The following ADD3 variants were observed in gnomAD, a reference collection of about 807,000 sequenced individuals.
The protein encoded by ADD3 is gamma-adducin.
In ADD3, 25 loss-of-function variants were observed where a neutral mutation model predicts 80.2. The observed-to-expected ratio is 0.31, with a 90% CI of 0.23 to 0.44. ADD3 has a LOEUF of 0.44. Ranked by LOEUF, ADD3 falls within the 20% of genes least tolerant of loss-of-function variation. ADD3 has a pLI of 1.00. For missense variants in ADD3, 829 were observed against 847.5 expected (o/e 0.98, Z 0.27); for synonymous variants, 284 against 289.6 (o/e 0.98, Z 0.20).
At chr10:110,011,960 A>G (rs1852387046) in intron 1 of ADD3, among the ~76,000 whole-genome samples, 1 of 152,262 alleles carries the variant, frequency 6.6e-6, no homozygotes, top group African/African-American at 2.4e-5. Context: ...TGTATATATC[A>G]AGAATCCTCT....
At position 110,107,645 on chromosome 10, in the gene ADD3, C is replaced by T. The variant is rs368146682; in HGVS notation, c.196-5132C>T. ...CTGGGTTCACATTTTACTTTGCCTA[C>T]CACTTACTAGCTATGTGACATTACG... On this transcript the variant is annotated intron_variant, in intron 2 of 14. Coordinates refer to ENST00000356080, the MANE Select transcript of ADD3 (RefSeq NM_016824.5). Among the ~76,000 whole-genome samples the T allele has an allele frequency of 2.0e-5, 3 of 152,072 alleles. No homozygotes were observed. In the East Asian group the frequency reaches 5.8e-4, roughly 29 times the overall value.
chr10:110,082,510 G>A (rs984536749), intron 1 of ADD3, among the ~76,000 whole-genome samples: 1 of 152,042 alleles, frequency 6.6e-6, no homozygotes, highest in Non-Finnish European at 1.5e-5. Context: ...ACTGTCTTAC[G>A]AGATAGCTTA....
upstream of ADD3, among the ~76,000 whole-genome samples, chr10:110,003,678 A>C (rs1851533240): frequency 6.6e-6 from 1 of 152,128 alleles, no homozygotes; most frequent in African/African-American, 2.4e-5. Context: ...GAACACCAGA[A>C]CTCTGAAACT....
In ADD3 at chr10:110,082,257, GCTT is replaced by G. The variant is rs552834511; in HGVS notation, c.-29-18366_-29-18364del. On this transcript the variant is annotated intron_variant, in intron 1 of 14. Coordinates refer to ENST00000356080, the MANE Select transcript of ADD3 (RefSeq NM_016824.5). Reference sequence around the variant, plus strand: ...CACTCTAAAAAAAAACTTTGGCTGAGCTTCAGAATACATTTGACCATCAGTAAC... The same window carrying G: ...CACTCTAAAAAAAAACTTTGGCTGAGCAGAATACATTTGACCATCAGTAAC... Among the ~76,000 whole-genome samples, 27 of 151,656 alleles carry G rather than the reference GCTT, an allele frequency of 1.8e-4. No individual in the cohort carries two copies. The South Asian group carries it at 5.6e-3, about 32-fold the overall frequency.
chr10:110,119,488 G>T lies in ADD3; in HGVS notation c.884G>T (p.Gly295Val). Residue 295 changes from glycine to valine, a missense_variant, in exon 8 of 15, where the codon GGT (glycine) becomes GTT (valine). Gly to Val is a moderately radical substitution (Grantham distance 109, BLOSUM62 -3). Coordinates refer to ENST00000356080, the MANE Select transcript of ADD3 (RefSeq NM_016824.5). ...TAGGTGCTGGTACTCAGGAATCATG[G>T]TGTGGTTGCACTTGGAGAAACATTA... ...SCKVLVLRNH[G>V]VVALGETLEE... is the part of the protein sequence containing the mutation. 6.2e-7 allele frequency: 1 copy of T among 1,614,136 alleles called. No homozygotes were observed. The highest frequency in any genetic ancestry group is 2.2e-5 in the East Asian group (1 of 44,874).
chr10:110,079,267 T>C (rs1411363013), intron 1 of ADD3: 1 of 152,170 alleles, frequency 6.6e-6, no homozygotes, highest in South Asian at 2.1e-4. Flanking sequence ...CCGTGGAATT[T>C]CCTTTCTCTG....
upstream of ADD3, among the ~76,000 whole-genome samples, chr10:110,007,732 C>A (rs1851774795): frequency 6.6e-6 from 1 of 152,058 alleles, no homozygotes; most frequent in South Asian, 2.1e-4. Context: ...GCGGAGGGGG[C>A]TGCGGGGGCG....
At chr10:110,058,880 C>G (rs1390355196) in intron 1 of ADD3, among the ~76,000 whole-genome samples, 1 of 152,200 alleles carries the variant, frequency 6.6e-6, no homozygotes, top group Non-Finnish European at 1.5e-5. Flanking sequence ...TGTCATATTA[C>G]TGTTAAATTA....
chr10:110,003,202 T>C (rs1056536220), upstream of ADD3, among the ~76,000 whole-genome samples: 5 of 152,190 alleles, frequency 3.3e-5, no homozygotes, highest in African/African-American at 1.2e-4. Context: ...GAGAGGATTC[T>C]ATAAATTCTT....
intron 1 of ADD3, among the ~76,000 whole-genome samples, chr10:110,049,490 C>T (rs540641102): frequency 6.6e-6 from 1 of 152,330 alleles, no homozygotes; most frequent in Non-Finnish European, 1.5e-5. Context: ...TTCTGCAAAG[C>T]CACAGGGGCG....
chr10:110,005,970 G>A (rs2132875834), upstream of ADD3: 1 of 238,622 alleles, frequency 4.2e-6, no homozygotes, highest in Non-Finnish European at 8.5e-6. Flanking sequence ...TCAGCATTGA[G>A]AGAAGCTGCT....
In ADD3 at chr10:110,069,956, A is replaced by AT. The variant is rs1430834177; in HGVS notation, c.-29-30669_-29-30668insT. ...TAGCTTAAATTATACACACCACAGTAAACTGTTACCCAGTGGCAATTTTGA... is the reference window on the plus strand; with the variant it reads ...TAGCTTAAATTATACACACCACAGTATAACTGTTACCCAGTGGCAATTTTGA... On this transcript the variant is annotated intron_variant, in intron 1 of 14. Coordinates refer to ENST00000356080, the MANE Select transcript of ADD3 (RefSeq NM_016824.5). 3.3e-5 allele frequency among the ~76,000 whole-genome samples: 5 copies of AT among 152,362 alleles called. No homozygotes were observed. The East Asian group carries it at 9.6e-4, about 29-fold the overall frequency.
chr10:110,035,771 T>A (rs1003932143), intron 1 of ADD3, among the ~76,000 whole-genome samples: 1 of 136,118 alleles, frequency 7.3e-6, no homozygotes, highest in Admixed American at 6.8e-5. Flanking sequence ...GTGTTACTAT[T>A]GGTTTGAGAC....
intron 2 of ADD3, among the ~76,000 whole-genome samples, chr10:110,110,196 T>A (rs1362008225): frequency 6.6e-6 from 1 of 152,198 alleles, no homozygotes; most frequent in Non-Finnish European, 1.5e-5. Context: ...AAGTACACCA[T>A]CTTTCTCTTG....
intron 1 of ADD3, among the ~76,000 whole-genome samples, chr10:110,055,923 T>A (rs1246929608): frequency 6.6e-6 from 1 of 152,240 alleles, no homozygotes; most frequent in Non-Finnish European, 1.5e-5. Flanking sequence ...ATTTTCTCAA[T>A]GGAATAAGAC....
intron 1 of ADD3, among the ~76,000 whole-genome samples, chr10:110,022,907 G>T (rs1444807692): frequency 6.6e-6 from 1 of 152,176 alleles, no homozygotes; most frequent in African/African-American, 2.4e-5. Flanking sequence ...AAGTCTGTGG[G>T]ATGGTTATGA....
intron 1 of ADD3, among the ~76,000 whole-genome samples, chr10:110,019,719 T>A (rs1312087844): frequency 6.6e-6 from 1 of 152,192 alleles, no homozygotes; most frequent in Non-Finnish European, 1.5e-5. Context: ...TCATCTGTGC[T>A]TGAAGGTGCT....
intron 1 of ADD3, among the ~76,000 whole-genome samples, chr10:110,082,840 A>G (rs142270695): frequency 2.6e-4 from 40 of 152,328 alleles, no homozygotes; most frequent in African/African-American, 7.7e-4. Context: ...ATTACTTTTC[A>G]GTCAGCTTAA....
intron 1 of ADD3, among the ~76,000 whole-genome samples, chr10:110,078,574 T>G (rs1845648749): frequency 6.6e-6 from 1 of 152,208 alleles, no homozygotes; most frequent in Admixed American, 6.5e-5. Flanking sequence ...CACAAGTGTT[T>G]TCGTGGACCT....
Sources: allele counts gnomAD v4.1 joint callset (sites outside exome capture counted in the v4.1 genomes callset), GRCh38; gene constraint gnomAD v4.1.1; transcripts MANE v1.5; gene names NCBI Gene and HGNC (gene_info 2026-07-23, HGNC 2026-07-21).